The following PLEKHA5 variants were observed in gnomAD, a reference collection of about 807,000 sequenced individuals.
The protein encoded by PLEKHA5 is pleckstrin homology domain-containing family A member 5.
A neutral mutation model predicts 181.9 loss-of-function variants in PLEKHA5; 55 were observed. The ratio of observed to expected loss-of-function variants is 0.30; its 90% confidence interval spans 0.24 to 0.38. PLEKHA5 has a LOEUF of 0.38. PLEKHA5 is among the 10% of genes least tolerant of loss of function. PLEKHA5 has a pLI of 1.00. For missense variants in PLEKHA5, 1,432 were observed against 1,549.5 expected, an observed-to-expected ratio of 0.92 and a Z score of 1.27; for synonymous variants, 535 against 529.4, an observed-to-expected ratio of 1.01 and a Z score of -0.15.
chr12:19,225,385 C>T (rs1352464193), intron 3 of PLEKHA5, among the ~76,000 whole-genome samples: 1 of 152,098 alleles, frequency 6.6e-6, no homozygotes, highest in African/African-American at 2.4e-5. Flanking sequence ...TTTTAATTTT[C>T]TGTCTCTTTT....
chr12:19,297,644 A>G (rs1383599026), intron 15 of PLEKHA5, among the ~76,000 whole-genome samples: 1 of 151,684 alleles, frequency 6.6e-6, no homozygotes, highest in Admixed American at 6.6e-5. Context: ...AAAAAAAAAA[A>G]AAAAAATACA....
chr12:19,207,198 A>G (rs961545730), intron 3 of PLEKHA5: 1 of 152,120 alleles, frequency 6.6e-6, no homozygotes, highest in African/African-American at 2.4e-5. Flanking sequence ...AAACTTGATG[A>G]TCACAAAATT....
intron 3 of PLEKHA5, among the ~76,000 whole-genome samples, chr12:19,196,198 A>G (rs2052683870): frequency 6.6e-6 from 1 of 152,314 alleles, no homozygotes; most frequent in East Asian, 1.9e-4. Context: ...TCAGTTGTCA[A>G]CAAAGATTAT....
intron 15 of PLEKHA5, among the ~76,000 whole-genome samples, chr12:19,297,301 A>G (rs562783925): frequency 7.9e-5 from 12 of 151,944 alleles, no homozygotes; most frequent in Non-Finnish European, 1.3e-4. Context: ...TTTCATGACA[A>G]ATCAGTTTGC....
chr12:19,274,598 A>T lies in PLEKHA5; in HGVS notation c.928A>T (p.Ile310Phe), dbSNP rs1565550836. 2 of 1,613,722 alleles carry T rather than the reference A, an allele frequency of 1.2e-6. No individual in the cohort carries two copies. Among genetic ancestry groups the T allele is most frequent in the Non-Finnish European group, 1.7e-6 (2 of 1,179,678 alleles). The stretch of plus-strand genomic sequence containing the variant: ...CCATAGAGTGCTAATTAAACCAGAG[A>T]TCCAAAACAATCAAAAAAACAAGGA... ...PNHRVLIKPE[I>F]QNNQKNKEMS... is the part of the protein sequence containing the mutation. Residue 310 changes from isoleucine (I) to phenylalanine (F), a missense_variant, in exon 11 of 32, where the codon ATC becomes TTC. Physicochemically the swap from Ile to Phe is conservative, Grantham distance 21. This residue lies in a region of PLEKHA5 where 1,143 missense variants were observed against 1,168.4 expected (regional missense o/e 0.98). Transcript: ENST00000429027.
At chr12:19,202,574 A>G (rs11833559) in intron 3 of PLEKHA5, among the ~76,000 whole-genome samples, 2,617 of 141,902 alleles carry the variant, frequency 0.018, 87 homozygotes, top group African/African-American at 0.062. Context: ...CTATAACCCA[A>G]TGGTAAACAA....
intron 8 of PLEKHA5, among the ~76,000 whole-genome samples, chr12:19,267,276 A>G (rs1036163352): frequency 1.1e-4 from 16 of 152,336 alleles, no homozygotes; most frequent in Middle Eastern, 3.4e-3. Flanking sequence ...TGTTTGTACC[A>G]TTATAAAATT....
intron 3 of PLEKHA5, among the ~76,000 whole-genome samples, chr12:19,248,994 T>G (rs897146039): frequency 6.6e-6 from 1 of 152,210 alleles, no homozygotes; most frequent in African/African-American, 2.4e-5. Context: ...GGCAAGGATT[T>G]TTTATGTTTT....
intron 1 of PLEKHA5, 52 bp from the exon 2 acceptor site, chr12:19,129,999 C>T (rs2032933830): frequency 4.1e-6 from 6 of 1,479,936 alleles, no homozygotes; most frequent in African/African-American, 1.4e-5. Flanking sequence ...CCTCGGCTCG[C>T]CCCCGCGTCC....
chr12:19,338,031 CA>C (rs35715796), intron 21 of PLEKHA5, among the ~76,000 whole-genome samples: 2,475 of 86,792 alleles, frequency 0.029, 49 homozygotes, highest in African/African-American at 0.086. Flanking sequence ...AGCTCCATCT[CA>C]AAAAAAAAAA....
chr12:19,281,938 C>G (rs1010536896), intron 11 of PLEKHA5, among the ~76,000 whole-genome samples: 1 of 152,004 alleles, frequency 6.6e-6, no homozygotes, highest in Non-Finnish European at 1.5e-5. Flanking sequence ...CCTGCCACCA[C>G]GCCCGGCTAA....
intron 17 of PLEKHA5, 71 bp from the exon 18 acceptor site, chr12:19,320,491 G>C (rs969177080): frequency 1.4e-5 from 10 of 694,702 alleles, no homozygotes; most frequent in Non-Finnish European, 2.5e-5. Flanking sequence ...TAAATCCAAA[G>C]TATTAATTAA....
chr12:19,271,349 AC>A (rs1460821065), intron 10 of PLEKHA5, among the ~76,000 whole-genome samples: 8 of 152,058 alleles, frequency 5.3e-5, no homozygotes, highest in Non-Finnish European at 8.8e-5. Flanking sequence ...TACCAAAAAT[AC>A]AAAAATTAGC....
intron 3 of PLEKHA5, among the ~76,000 whole-genome samples, chr12:19,212,248 C>T (rs1006480149): frequency 6.6e-6 from 1 of 152,066 alleles, no homozygotes; most frequent in East Asian, 2.0e-4. Context: ...AGGCGACGGC[C>T]ACTGCCCTCC....
chr12:19,250,457 C>A (rs2064983684), intron 3 of PLEKHA5, among the ~76,000 whole-genome samples: 1 of 152,220 alleles, frequency 6.6e-6, no homozygotes, highest in Admixed American at 6.5e-5. Flanking sequence ...GTGGTGCATA[C>A]CTGTAGTCTC....
chr12:19,322,605 C>A lies in PLEKHA5; in HGVS notation c.2386C>A (p.Gln796Lys). 1 of 1,613,712 alleles carries A rather than the reference C, an allele frequency of 6.2e-7. No homozygotes were observed. Among genetic ancestry groups the A allele is most frequent in the Non-Finnish European group, 8.5e-7 (1 of 1,179,682 alleles). Residue 796 changes from glutamine to lysine, a missense_variant, in exon 20 of 32, where the codon CAA becomes AAA. Coordinates refer to ENST00000429027, the MANE Select transcript of PLEKHA5 (RefSeq NM_001256470.2). ...NPAAIQTVVL[Q>K]RDDLQNGLLS... ...AGCAGCCATTCAGACAGTGGTGTTA[C>A]AAAGGGATGATTTACAAAATGGACT...
chr12:19,233,012 G>C (rs1224926035), intron 3 of PLEKHA5, among the ~76,000 whole-genome samples: 1 of 152,104 alleles, frequency 6.6e-6, no homozygotes, highest in African/African-American at 2.4e-5. Context: ...TAATCATTAG[G>C]TGTGAGAGTT....
chr12:19,304,618 G>A (rs2082604188), intron 15 of PLEKHA5, among the ~76,000 whole-genome samples: 1 of 152,166 alleles, frequency 6.6e-6, no homozygotes, highest in East Asian at 1.9e-4. Flanking sequence ...TCTCAGAACT[G>A]ACAGTAAATC....
At position 19,135,057 on chromosome 12, in the gene PLEKHA5, C is replaced by T. The variant is rs543735425; in HGVS notation, c.227+2607C>T. 3.9e-5 allele frequency among the ~76,000 whole-genome samples: 6 copies of T among 152,228 alleles called. No homozygotes were observed. The East Asian group carries it at 1.2e-3, about 29-fold the overall frequency. On this transcript the variant is annotated intron_variant, in intron 3 of 31. Coordinates refer to ENST00000429027, the MANE Select transcript of PLEKHA5 (RefSeq NM_001256470.2). ...AATGCCAATAAAAGACATGTCAGCC[C>T]TTTGACTATTCCTAATCCTGTGTTC...
Sources: allele counts gnomAD v4.1 joint callset (sites outside exome capture counted in the v4.1 genomes callset), GRCh38; gene constraint gnomAD v4.1.1; regional missense constraint gnomAD v4.1.1; transcripts MANE v1.5; gene names NCBI Gene and HGNC (gene_info 2026-07-23, HGNC 2026-07-21).